KLHL20: variants seen among roughly 807,000 people sequenced by gnomAD.
KLHL20 encodes the protein kelch-like protein 20.
In KLHL20, 29 loss-of-function variants were observed where a neutral mutation model predicts 69.5. The observed-to-expected ratio is 0.42, with a 90% CI of 0.31 to 0.57. The LOEUF is 0.57. Among genes scored for constraint, KLHL20 ranks in the 20% least tolerant of loss-of-function variants. The pLI, the probability that KLHL20 is intolerant of heterozygous loss-of-function variation, is 0.18. For synonymous variants in KLHL20, 253 were observed against 265.2 expected (o/e 0.95, Z 0.45); for missense variants, 419 against 776.0 (o/e 0.54, Z 5.47).
intron 8 of KLHL20, among the ~76,000 whole-genome samples, chr1:173,766,722 T>C (rs971231838): frequency 6.6e-6 from 1 of 151,446 alleles, no homozygotes; most frequent in Non-Finnish European, 1.5e-5. Context: ...GGATTTCCCA[T>C]AGGCTTTCAG....
At chr1:173,739,658 T>C (rs1285241781) in intron 3 of KLHL20, among the ~76,000 whole-genome samples, 2 of 148,368 alleles carry the variant, frequency 1.3e-5, no homozygotes, top group East Asian at 2.0e-4. Flanking sequence ...TTTTTTTTTT[T>C]TTTTTTTTTT....
chr1:173,746,845 C>T (rs1240533800), intron 3 of KLHL20, among the ~76,000 whole-genome samples: 2 of 151,778 alleles, frequency 1.3e-5, no homozygotes, highest in African/African-American at 4.8e-5. Flanking sequence ...TTTGTATTAA[C>T]TACTATAAGT....
intron 3 of KLHL20, among the ~76,000 whole-genome samples, chr1:173,743,821 C>A (rs1270476862): frequency 6.6e-6 from 1 of 152,018 alleles, no homozygotes; most frequent in Non-Finnish European, 1.5e-5. Flanking sequence ...GGAATTCATT[C>A]CATATTAGTT....
At chr1:173,731,839 A>G (rs193189120) in intron 2 of KLHL20, among the ~76,000 whole-genome samples, 1 of 152,140 alleles carries the variant, frequency 6.6e-6, no homozygotes, top group South Asian at 2.1e-4. Context: ...CGTTGTGCAC[A>G]TGTACCCTAA....
intron 7 of KLHL20, among the ~76,000 whole-genome samples, chr1:173,764,641 C>T (rs1194758267): frequency 2.0e-5 from 3 of 152,170 alleles, no homozygotes; most frequent in East Asian, 1.9e-4. Context: ...AACCAAACAT[C>T]GTATGTTCTC....
intron 10 of KLHL20, among the ~76,000 whole-genome samples, chr1:173,776,499 G>C (rs1648481150): frequency 6.6e-6 from 1 of 152,048 alleles, no homozygotes; most frequent in South Asian, 2.1e-4. Context: ...TCTTTGCCCA[G>C]ACCAATGTCC....
At chr1:173,719,537 T>G (rs1315764953) in intron 2 of KLHL20, among the ~76,000 whole-genome samples, 1 of 152,016 alleles carries the variant, frequency 6.6e-6, no homozygotes, top group Admixed American at 6.6e-5. Flanking sequence ...GAGAATCACT[T>G]GAACCCAGCA....
intron 2 of KLHL20, among the ~76,000 whole-genome samples, chr1:173,724,826 A>G (rs1377590556): frequency 1.3e-5 from 2 of 152,206 alleles, no homozygotes; most frequent in Non-Finnish European, 2.9e-5. Flanking sequence ...ACAAATTTGT[A>G]TCTTATATAT....
intron 3 of KLHL20, among the ~76,000 whole-genome samples, chr1:173,746,522 G>GT (rs1673066496): frequency 6.6e-6 from 1 of 151,862 alleles, no homozygotes; most frequent in Admixed American, 6.6e-5. Flanking sequence ...TTTCATCTAG[G>GT]TTTTCAAATT....
At position 173,733,594 on chromosome 1, in the gene KLHL20, A is replaced by T. The variant is rs181910095; in HGVS notation, c.24-119A>T. The T allele has an allele frequency of 1.7e-4, 125 of 719,804 alleles. 1 individual carries two copies. Among genetic ancestry groups the T allele is most frequent in the Admixed American group, 7.5e-4 (23 of 30,512 alleles). The allele number at this position is 719,804 out of a possible 1,614,324, so 44.6% of individuals were successfully genotyped here. A position where few individuals can be genotyped will look rare whatever the true frequency, so the allele number is the denominator to read the frequency against. ...GAGACATCATCTCTACAAAAAATTT[A>T]AAAAAAAAATCACCAAGCTAATTAC... is the stretch of plus-strand genomic sequence containing the variant. On this transcript the variant is annotated intron_variant, in intron 2 of 11. Coordinates refer to ENST00000209884, the MANE Select transcript of KLHL20 (RefSeq NM_014458.4).
intron 2 of KLHL20, among the ~76,000 whole-genome samples, chr1:173,728,741 C>T (rs1395620563): frequency 2.6e-5 from 4 of 151,930 alleles, no homozygotes. Context: ...ACATTCAAAG[C>T]AGTGTGTAGA....
At chr1:173,756,422 T>G in intron 6 of KLHL20, among the ~76,000 whole-genome samples, 1 of 148,816 alleles carries the variant, frequency 6.7e-6, no homozygotes, top group South Asian at 2.1e-4. Context: ...TCCCAGCTAC[T>G]TGGGAGGCTG....
At chr1:173,774,231 G>T (rs1648300773) in intron 8 of KLHL20, 74 bp from the exon 9 acceptor site, 2 of 1,566,168 alleles carry the variant, frequency 1.3e-6, no homozygotes, top group Non-Finnish European at 1.8e-6. Context: ...TATATCGTTA[G>T]TGTGATTTCA....
intron 11 of KLHL20, among the ~76,000 whole-genome samples, chr1:173,784,494 AAAGT>A (rs1376315251): frequency 6.6e-6 from 1 of 152,268 alleles, no homozygotes. Flanking sequence ...AATAGATGAC[AAAGT>A]AATAGTCATG....
At chr1:173,730,757 C>T (rs987830539) in intron 2 of KLHL20, among the ~76,000 whole-genome samples, 4 of 152,090 alleles carry the variant, frequency 2.6e-5, no homozygotes, top group African/African-American at 9.7e-5. Flanking sequence ...GACCTAAAAC[C>T]ATAAAAACCC....
chr1:173,778,865 T>A (rs1208315012), intron 10 of KLHL20, among the ~76,000 whole-genome samples: 3 of 152,176 alleles, frequency 2.0e-5, no homozygotes, highest in Non-Finnish European at 4.4e-5. Flanking sequence ...TTTCTTAATC[T>A]GCCTAAAGGT....
Position 173,734,065 on chromosome 1 carries a change from G to A in KLHL20, c.376G>A (p.Ala126Thr). ...GGCTATGGAATTACTGATTGACTTT[G>A]CGTATACCTCCCAGATAACAGTAGA... ...ERAMELLIDF[A>T]YTSQITVEEG... is the part of the protein sequence containing the mutation. The change falls in exon 3 of 12, where the codon GCG (alanine) becomes ACG (threonine). Residue 126 changes from alanine to threonine, a missense_variant. This residue lies in a region of KLHL20 where 129 missense variants were observed against 183.6 expected (regional missense o/e 0.70). Coordinates refer to ENST00000209884, the MANE Select transcript of KLHL20 (RefSeq NM_014458.4). The A allele has an allele frequency of 6.2e-7, 1 of 1,614,154 alleles. No individual in the cohort carries two copies. Among genetic ancestry groups the A allele is most frequent in the Non-Finnish European group, 8.5e-7 (1 of 1,180,022 alleles).
chr1:173,726,342 A>AT (rs982466845), intron 2 of KLHL20, among the ~76,000 whole-genome samples: 1 of 152,048 alleles, frequency 6.6e-6, no homozygotes, highest in Non-Finnish European at 1.5e-5. Context: ...CAAAAAAAAA[A>AT]AGGCAGCAGA....
Position 173,764,586 on chromosome 1 carries a change from G to A in KLHL20, c.1152-1560G>A, listed in dbSNP as rs371011999. Among the ~76,000 whole-genome samples the A allele has an allele frequency of 1.4e-4, 21 of 152,300 alleles. No individual in the cohort carries two copies. The East Asian group carries it at 3.3e-3, about 24-fold the overall frequency. Reference sequence around the variant, plus strand: ...TAACAGCATTTGCAGTGACCTGGATGAGATTAGAGACTATTATTCTAAGCG... The same window carrying A: ...TAACAGCATTTGCAGTGACCTGGATAAGATTAGAGACTATTATTCTAAGCG... On this transcript the variant is annotated intron_variant, in intron 7 of 11. Coordinates refer to ENST00000209884, the MANE Select transcript of KLHL20 (RefSeq NM_014458.4).
Sources: gnomAD v4.1 joint callset for allele counts (sites outside exome capture counted in the v4.1 genomes callset) on GRCh38, gnomAD v4.1.1 for gene constraint, gnomAD v4.1.1 regional missense constraint, MANE v1.5 for transcripts, NCBI Gene and HGNC (gene_info 2026-07-23, HGNC 2026-07-21) for gene names.